The following RIMBP2 variants were observed in gnomAD, a reference collection of about 807,000 sequenced individuals.
The protein encoded by RIMBP2 is RIMS-binding protein 2.
RIMBP2 carries 48 observed loss-of-function variants against 118.6 expected under a neutral mutation model. The ratio of observed to expected loss-of-function variants is 0.40; its 90% CI spans 0.32 to 0.51. The LOEUF is 0.51. Among genes scored for constraint, RIMBP2 ranks in the 20% least tolerant of loss-of-function variants. The pLI is 0.41. For missense variants in RIMBP2, 1,551 were observed against 1,768.3 expected, an observed-to-expected ratio of 0.88 and a Z score of 2.20; for synonymous variants, 762 against 742.9, an observed-to-expected ratio of 1.03 and a Z score of -0.42.
chr12:130,399,153 ACTCTTCTT>A (rs1434377395), intron 22 of RIMBP2: 1 of 1,392,394 alleles, frequency 7.2e-7, no homozygotes, highest in African/African-American at 1.5e-5. Flanking sequence ...TGAAATGAAC[ACTCTTCTT>A]CTGTTTCCAA....
At chr12:130,636,435 T>A (rs1319973771) in intron 1 of RIMBP2, among the ~76,000 whole-genome samples, 1 of 152,164 alleles carries the variant, frequency 6.6e-6, no homozygotes, top group Non-Finnish European at 1.5e-5. Flanking sequence ...CAGCTTTGTT[T>A]TTTTACCAGC....
intron 6 of RIMBP2, among the ~76,000 whole-genome samples, chr12:130,462,432 A>G (rs1013993182): frequency 1.3e-5 from 2 of 152,188 alleles, no homozygotes; most frequent in Non-Finnish European, 2.9e-5. Context: ...CTGCGTCTCC[A>G]CCGAGGCCCA....
intron 7 of RIMBP2, 66 bp downstream of exon 7, chr12:130,456,430 C>G (rs1043552753): frequency 2.8e-6 from 4 of 1,425,482 alleles, no homozygotes; most frequent in Middle Eastern, 2.6e-4. Flanking sequence ...CCTGTGCACA[C>G]CCTCGCAGGC....
chr12:130,580,288 A>G (rs1307010071), intron 2 of RIMBP2, among the ~76,000 whole-genome samples: 5 of 152,064 alleles, frequency 3.3e-5, no homozygotes, highest in Admixed American at 3.3e-4. Flanking sequence ...CCCACATGTC[A>G]AGGGCGGGGC....
At chr12:130,626,340 A>C (rs1409346621) in intron 2 of RIMBP2, among the ~76,000 whole-genome samples, 1 of 151,938 alleles carries the variant, frequency 6.6e-6, no homozygotes, top group Non-Finnish European at 1.5e-5. Flanking sequence ...CATCACCATC[A>C]GCTCCTCCAT....
intron 6 of RIMBP2, among the ~76,000 whole-genome samples, chr12:130,458,017 G>C (rs975376240): frequency 6.6e-6 from 1 of 152,004 alleles, no homozygotes; most frequent in Non-Finnish European, 1.5e-5. Flanking sequence ...TTGTCTGCCT[G>C]TTTCCTGCTG....
chr12:130,478,885 C>T (rs751715460), intron 5 of RIMBP2, 27 bp downstream of exon 5: 18 of 1,576,714 alleles, frequency 1.1e-5, no homozygotes, highest in South Asian at 9.0e-5. Flanking sequence ...CTGCCTCGCA[C>T]GCCGCGCCCG....
intron 6 of RIMBP2, chr12:130,470,250 A>G (rs1230745490): frequency 1.9e-5 from 3 of 155,938 alleles, no homozygotes; most frequent in African/African-American, 7.2e-5. Flanking sequence ...CCTCCCCAGG[A>G]TGGGTGTCAT....
At chr12:130,567,163 T>C (rs2057278321) in intron 2 of RIMBP2, among the ~76,000 whole-genome samples, 1 of 152,224 alleles carries the variant, frequency 6.6e-6, no homozygotes, top group Non-Finnish European at 1.5e-5. Flanking sequence ...AGGAAGCTTT[T>C]GAGATGTCCA....
At chr12:130,455,357 C>T (rs112428263) in intron 7 of RIMBP2, among the ~76,000 whole-genome samples, 14 of 152,350 alleles carry the variant, frequency 9.2e-5, no homozygotes, top group African/African-American at 3.1e-4. Flanking sequence ...ATCAGAGGCT[C>T]CCCACGTATC....
chr12:130,399,202 A>C (rs762265797), intron 22 of RIMBP2: 2 of 1,144,700 alleles, frequency 1.7e-6, no homozygotes, highest in Non-Finnish European at 2.3e-6. Context: ...AAATATATAT[A>C]TAAAAATATA....
chr12:130,590,431 C>A (rs1165908732), intron 2 of RIMBP2, among the ~76,000 whole-genome samples: 2 of 152,198 alleles, frequency 1.3e-5, no homozygotes, highest in Admixed American at 6.5e-5. Flanking sequence ...TGTCCCTCAG[C>A]TCCGCCCATC....
intron 1 of RIMBP2, among the ~76,000 whole-genome samples, chr12:130,656,022 G>C (rs991101680): frequency 5.9e-5 from 9 of 152,232 alleles, no homozygotes; most frequent in Admixed American, 3.9e-4. Flanking sequence ...CCATCTTAGA[G>C]CATGGGTTCC....
At chr12:130,438,309 G>T in intron 12 of RIMBP2, 56 bp downstream of exon 12, 1 of 1,593,788 alleles carries the variant, frequency 6.3e-7, no homozygotes, top group Non-Finnish European at 8.6e-7. Flanking sequence ...TACCGGGCCG[G>T]TCCCTGCTGC....
At chr12:130,515,418 C>G (rs2051345212) in intron 3 of RIMBP2, among the ~76,000 whole-genome samples, 1 of 152,122 alleles carries the variant, frequency 6.6e-6, no homozygotes, top group African/African-American at 2.4e-5. Context: ...TACTGTTTGT[C>G]TCTATGGCTC....
chr12:130,607,215 A>G (rs1257757874), intron 2 of RIMBP2, among the ~76,000 whole-genome samples: 1 of 152,062 alleles, frequency 6.6e-6, no homozygotes, highest in Non-Finnish European at 1.5e-5. Flanking sequence ...ATTTCTGTAT[A>G]TAGTCCCAGC....
chr12:130,644,958 G>A (rs1013988355), intron 1 of RIMBP2, among the ~76,000 whole-genome samples: 4 of 152,232 alleles, frequency 2.6e-5, no homozygotes, highest in Non-Finnish European at 5.9e-5. Context: ...TTGGGTCCGG[G>A]AGCCAGCGCC....
intron 10 of RIMBP2, among the ~76,000 whole-genome samples, chr12:130,443,307 C>T (rs1177074188): frequency 1.3e-5 from 2 of 151,808 alleles, no homozygotes; most frequent in African/African-American, 4.8e-5. Flanking sequence ...GTGGGGACCG[C>T]TGTATTTTGT....
At chr12:130,449,075 C>T (rs753400207) in intron 9 of RIMBP2, among the ~76,000 whole-genome samples, 24 of 152,178 alleles carry the variant, frequency 1.6e-4, no homozygotes, top group Non-Finnish European at 2.9e-4. Context: ...TCTGGCTGCC[C>T]GATGCCAGCT....
Sources: gnomAD v4.1 joint callset for allele counts (sites outside exome capture counted in the v4.1 genomes callset) on GRCh38, gnomAD v4.1.1 for gene constraint, MANE v1.5 for transcripts, NCBI Gene and HGNC (gene_info 2026-07-23, HGNC 2026-07-21) for gene names.